The following PALLD variants were observed in gnomAD, a reference collection of about 807,000 sequenced individuals.
PALLD encodes palladin.
A neutral mutation model predicts 123.5 loss-of-function variants in PALLD; 61 were observed. That is an observed-to-expected ratio of 0.49 (90% CI 0.40 to 0.61). The LOEUF (loss-of-function observed/expected upper bound fraction) is 0.61. PALLD is among the 20% of genes least tolerant of loss of function. The pLI is 0.00. For synonymous variants in PALLD, 465 were observed against 496.4 expected, an observed-to-expected ratio of 0.94 and a Z score of 0.84; for missense variants, 1,273 against 1,377.0, an observed-to-expected ratio of 0.92 and a Z score of 1.20.
intron 2 of PALLD, among the ~76,000 whole-genome samples, chr4:168,628,430 T>C (rs1775509639): frequency 6.6e-6 from 1 of 152,192 alleles, no homozygotes; most frequent in Non-Finnish European, 1.5e-5. Context: ...CTGTCCTGTC[T>C]CTCTGACTTC....
chr4:168,538,836 G>A (rs906638986), intron 2 of PALLD, among the ~76,000 whole-genome samples: 4 of 152,140 alleles, frequency 2.6e-5, no homozygotes, highest in African/African-American at 4.8e-5. Context: ...GTGATTACCC[G>A]CGATTGGTGT....
At chr4:168,694,427 C>T (rs1019652303) in intron 8 of PALLD, among the ~76,000 whole-genome samples, 1 of 152,074 alleles carries the variant, frequency 6.6e-6, no homozygotes, top group Non-Finnish European at 1.5e-5. Context: ...CTTGCTCGCT[C>T]TCTCCCCCTC....
At chr4:168,710,380 T>A (rs569230616) in intron 9 of PALLD, among the ~76,000 whole-genome samples, 1 of 152,058 alleles carries the variant, frequency 6.6e-6, no homozygotes, top group East Asian at 1.9e-4. Context: ...CTTAAAGATA[T>A]TTTTAAAATA....
Position 168,685,429 on chromosome 4 carries a change from A to G in PALLD, c.1261-56A>G, listed in dbSNP as rs1029709644. The G allele has an allele frequency of 9.6e-6, 11 of 1,141,562 alleles. No homozygotes were observed. In the Admixed American group the frequency reaches 1.7e-4, roughly 17 times the overall value. 70.7% of individuals were successfully genotyped at this position (1,141,562 alleles called of 1,614,324 possible). On this transcript the variant is annotated intron_variant, in intron 5 of 21. Transcript: ENST00000505667. Reference sequence around the variant, plus strand: ...CCATAATGAAAGGTTTCTTCAGCCCATCTTTTAGGCAATTTATATATTTAG... The same window carrying G: ...CCATAATGAAAGGTTTCTTCAGCCCGTCTTTTAGGCAATTTATATATTTAG...
At chr4:168,719,252 CTTTTTTTT>C (rs869040811) in intron 10 of PALLD, among the ~76,000 whole-genome samples, 4 of 85,716 alleles carry the variant, frequency 4.7e-5, no homozygotes, top group Middle Eastern at 0.014. Context: ...AAGTAATCTT[CTTTTTTTT>C]TTTTTTTTTT....
chr4:168,908,368 C>T (rs1758244326), intron 15 of PALLD, among the ~76,000 whole-genome samples: 1 of 152,032 alleles, frequency 6.6e-6, no homozygotes, highest in Non-Finnish European at 1.5e-5. Flanking sequence ...TGTAAGGATG[C>T]CATTCTGGAA....
At chr4:168,829,608 G>A (rs571776740) in intron 10 of PALLD, among the ~76,000 whole-genome samples, 5 of 152,242 alleles carry the variant, frequency 3.3e-5, no homozygotes, top group Admixed American at 2.6e-4. Context: ...CAGATCACAC[G>A]TCCTAACTCT....
intron 10 of PALLD, among the ~76,000 whole-genome samples, chr4:168,820,402 C>A (rs956390553): frequency 3.9e-5 from 6 of 152,148 alleles, no homozygotes; most frequent in Non-Finnish European, 7.4e-5. Context: ...AAACTAGTAA[C>A]AATTAAGCCT....
intron 2 of PALLD, among the ~76,000 whole-genome samples, chr4:168,585,770 C>A (rs532198235): frequency 3.3e-5 from 5 of 152,162 alleles, no homozygotes; most frequent in African/African-American, 1.2e-4. Context: ...AAGCAGCCCA[C>A]GCCTGCTCTT....
intron 8 of PALLD, 71 bp downstream of exon 8, chr4:168,691,363 G>A: frequency 3.2e-6 from 4 of 1,260,926 alleles, no homozygotes; most frequent in Non-Finnish European, 4.6e-6. Flanking sequence ...GGTCTCAATA[G>A]TTCTTTCTTT....
chr4:168,565,665 C>T (rs1040930698), intron 2 of PALLD, among the ~76,000 whole-genome samples: 3 of 151,938 alleles, frequency 2.0e-5, no homozygotes, highest in Non-Finnish European at 4.4e-5. Flanking sequence ...ATTTACACTC[C>T]GAGAAGACCA....
chr4:168,545,427 G>A (rs1766048152), intron 2 of PALLD, among the ~76,000 whole-genome samples: 1 of 152,032 alleles, frequency 6.6e-6, no homozygotes, highest in Non-Finnish European at 1.5e-5. Context: ...TACTTGGGAG[G>A]CTGAGGCAGG....
intron 17 of PALLD, among the ~76,000 whole-genome samples, chr4:168,916,248 C>T (rs906207077): frequency 1.3e-5 from 2 of 152,066 alleles, no homozygotes; most frequent in African/African-American, 4.8e-5. Context: ...CCCATCTCTA[C>T]CAAAAATACA....
intron 3 of PALLD, among the ~76,000 whole-genome samples, chr4:168,676,622 G>A (rs1320122458): frequency 6.6e-6 from 1 of 151,236 alleles, no homozygotes; most frequent in Non-Finnish European, 1.5e-5. Context: ...CTGTCGCTCT[G>A]TTGCCCAGGA....
intron 10 of PALLD, among the ~76,000 whole-genome samples, chr4:168,763,913 G>A (rs1382763906): frequency 2.0e-5 from 3 of 152,134 alleles, no homozygotes; most frequent in Admixed American, 6.5e-5. Flanking sequence ...ACATGGTCTT[G>A]TATTAAATCA....
intron 1 of PALLD, among the ~76,000 whole-genome samples, chr4:168,497,594 T>C (rs1176213143): frequency 6.6e-6 from 1 of 152,198 alleles, no homozygotes; most frequent in Non-Finnish European, 1.5e-5. Flanking sequence ...GCTAGATAAG[T>C]GATGATGGCT....
At chr4:168,689,667 C>T (rs1040014842) in intron 6 of PALLD, among the ~76,000 whole-genome samples, 13 of 151,668 alleles carry the variant, frequency 8.6e-5, no homozygotes, top group African/African-American at 2.4e-4. Flanking sequence ...AGGCTGGTCT[C>T]GAACTGCTGA....
At chr4:168,607,538 G>C (rs1166118359) in intron 2 of PALLD, among the ~76,000 whole-genome samples, 2 of 152,166 alleles carry the variant, frequency 1.3e-5, no homozygotes, top group African/African-American at 4.8e-5. Context: ...ACTTATAACA[G>C]ATAATATTTA....
rs370178245 is a variant in PALLD, at chr4:168,511,903, C to T, written c.399C>T (p.Tyr133=). ...AMSPLLTRPS[Y]IRSLRKAEKR... Reference sequence around the variant, plus strand: ...CACCCCTGCTCACCAGGCCCAGCTACATCCGGAGCCTCCGAAAGGCTGAAA... The same window carrying T: ...CACCCCTGCTCACCAGGCCCAGCTATATCCGGAGCCTCCGAAAGGCTGAAA... Residue 133 remains tyrosine, a synonymous_variant, in exon 2 of 22, where the codon TAC becomes TAT. Coordinates refer to ENST00000505667, the MANE Select transcript of PALLD (RefSeq NM_001166108.2). The T allele has an allele frequency of 9.9e-6, 16 of 1,614,074 alleles. No individual in the cohort carries two copies. Among genetic ancestry groups the T allele is most frequent in the Non-Finnish European group, 1.2e-5 (14 of 1,180,042 alleles).
Sources: gnomAD v4.1 joint callset for allele counts (sites outside exome capture counted in the v4.1 genomes callset) on GRCh38, gnomAD v4.1.1 for gene constraint, MANE v1.5 for transcripts, NCBI Gene and HGNC (gene_info 2026-07-23, HGNC 2026-07-21) for gene names.